The following TRIP13 variants were observed in gnomAD, a reference collection of about 807,000 sequenced individuals.
The protein encoded by TRIP13 is pachytene checkpoint protein 2 homolog.
Under a neutral mutation model 54.4 loss-of-function variants are expected in TRIP13, and 25 were observed. The observed-to-expected ratio is 0.46, with a 90% CI of 0.33 to 0.64. The LOEUF is 0.64. Ranked by LOEUF, TRIP13 falls within the 30% of genes least tolerant of loss-of-function variation. TRIP13 has a pLI of 0.02. For missense variants in TRIP13, 373 were observed against 534.2 expected (o/e 0.70, Z 2.97); for synonymous variants, 207 against 207.8 (o/e 1.00, Z 0.03).
Position 908,316 on chromosome 5 carries a change from G to A in TRIP13, c.760-39G>A, listed in dbSNP as rs533157111. On this transcript the variant is annotated intron_variant, in intron 8 of 12. Coordinates refer to ENST00000166345, the MANE Select transcript of TRIP13 (RefSeq NM_004237.4). The surrounding 1 kb of genome is among the most constrained non-coding windows in gnomAD (Gnocchi z 5.2). ...CCCCATAGCTGCCTGTGAAGTGCCA[G>A]GCCCTGTCCTTTTTGACCCCACTGC... The A allele has an allele frequency of 1.2e-5, 20 of 1,602,322 alleles. No individual in the cohort carries two copies. Among genetic ancestry groups the A allele is most frequent in the Non-Finnish European group, 1.7e-6 (2 of 1,176,060 alleles).
intron 5 of TRIP13, among the ~76,000 whole-genome samples, chr5:902,843 G>A (rs1166189880): frequency 6.6e-6 from 1 of 152,218 alleles, no homozygotes; most frequent in Non-Finnish European, 1.5e-5. Context: ...GTGTCCACTG[G>A]ACAGGGGACC....
intron 4 of TRIP13, among the ~76,000 whole-genome samples, chr5:901,122 A>G (rs943983121): frequency 6.6e-6 from 1 of 152,164 alleles, no homozygotes; most frequent in Non-Finnish European, 1.5e-5. Context: ...TGCTCTTCTT[A>G]TATTTATAAT....
Position 911,825 on chromosome 5 carries a change from G to C in TRIP13, c.867-18G>C. 6.2e-7 allele frequency: 1 copy of C among 1,602,802 alleles called. No homozygotes were observed. The highest frequency in any genetic ancestry group is 2.2e-5 in the East Asian group (1 of 44,738). The stretch of plus-strand genomic sequence containing the variant: ...GACAGCCGTGATGACTGTGGTGCTT[G>C]CTTCTCGGCCACAACAGGCATTCCA... On this transcript the variant is annotated intron_variant, in intron 9 of 12. Coordinates refer to ENST00000166345, the MANE Select transcript of TRIP13 (RefSeq NM_004237.4). The surrounding 1 kb of genome is among the most constrained non-coding windows in gnomAD (Gnocchi z 4.7).
At position 908,492 on chromosome 5, in the gene TRIP13, G is replaced by T; in HGVS notation, c.866+31G>T. 1 of 1,610,656 alleles carries T rather than the reference G, an allele frequency of 6.2e-7. No homozygotes were observed. Among genetic ancestry groups the T allele is most frequent in the South Asian group, 1.1e-5 (1 of 91,038 alleles). On this transcript the variant is annotated intron_variant, in intron 9 of 12. Coordinates refer to ENST00000166345, the MANE Select transcript of TRIP13 (RefSeq NM_004237.4). This position sits in a 1 kb window ranked among gnomAD's most constrained non-coding sequence, Gnocchi z 5.2. ...CAGGACATGCAGCAATTTTCCCTGA[G>T]AAGTGATGAGAAGTTTGTCCCAAAG...
In TRIP13 at chr5:908,012, T is replaced by C; in HGVS notation, c.697T>C (p.Phe233Leu). 1 of 1,614,240 alleles carries C rather than the reference T, an allele frequency of 6.2e-7. No individual in the cohort carries two copies. Among genetic ancestry groups the C allele is most frequent in the Non-Finnish European group, 8.5e-7 (1 of 1,180,046 alleles). ...SESGKLVTKM[F>L]QKIQDLIDDK... Reference sequence around the variant, plus strand: ...GAGTGGCAAGCTGGTAACCAAGATGTTTCAGAAGATTCAGGATTTGATTGA... The same window carrying C: ...GAGTGGCAAGCTGGTAACCAAGATGCTTCAGAAGATTCAGGATTTGATTGA... Residue 233 changes from phenylalanine (F) to leucine (L), a missense_variant, in exon 8 of 13, where the codon TTT becomes CTT. Physicochemically the swap from Phe to Leu is conservative, Grantham distance 22 (BLOSUM62 0). Coordinates refer to ENST00000166345, the MANE Select transcript of TRIP13 (RefSeq NM_004237.4). The surrounding 1 kb of genome is among the most constrained non-coding windows in gnomAD (Gnocchi z 5.2).
chr5:907,231 A>G lies in TRIP13; in HGVS notation c.672+38A>G, dbSNP rs767349707. On this transcript the variant is annotated intron_variant, in intron 7 of 12. Transcript: ENST00000166345. The surrounding 1 kb of genome is among the most constrained non-coding windows in gnomAD (Gnocchi z 4.1). ...TATTAATTCTAATTGTCTGGATTGT[A>G]TAGCTGAAAAAATGTCTTGTATGTT... The G allele has an allele frequency of 5.1e-6, 8 of 1,564,978 alleles. No individual in the cohort carries two copies. Among genetic ancestry groups the G allele is most frequent in the Non-Finnish European group, 7.0e-6 (8 of 1,137,120 alleles).
Position 915,825 on chromosome 5 carries a change from C to T in TRIP13, c.1134-79C>T. 3 of 1,515,898 alleles carry T rather than the reference C, an allele frequency of 2.0e-6. No homozygotes were observed. The highest frequency in any genetic ancestry group is 2.7e-6 in the Non-Finnish European group (3 of 1,091,824). 93.9% of individuals were successfully genotyped at this position (1,515,898 alleles called of 1,614,324 possible). On this transcript the variant is annotated intron_variant, in intron 11 of 12. Transcript: ENST00000166345. This position sits in a 1 kb window ranked among gnomAD's most constrained non-coding sequence, Gnocchi z 4.2. ...CCTCGGCTTGTGTTCCCAGGGATGC[C>T]TCGGCCAATGAGGAAAATTAGTCCT...
Position 915,953 on chromosome 5 carries a change from G to T in TRIP13, c.1183G>T (p.Ala395Ser). The T allele has an allele frequency of 6.2e-7, 1 of 1,614,134 alleles. No individual in the cohort carries two copies. Among genetic ancestry groups the T allele is most frequent in the Non-Finnish European group, 8.5e-7 (1 of 1,180,008 alleles). ...GGTCCTGAGAAAACTCCCCTTTCTG[G>T]CTCATGCGCTGTATGTCCAGGTGAG... ...GRVLRKLPFLAHALYVQAPTV... is the reference protein window; with the variant it reads ...GRVLRKLPFLSHALYVQAPTV... The change falls in exon 12 of 13, where the codon GCT (alanine) becomes TCT (serine). Residue 395 changes from alanine (A) to serine (S), a missense_variant. By Grantham distance (99) the Ala-to-Ser change is moderately conservative (BLOSUM62 1). This residue lies in a region of TRIP13 where 101 missense variants were observed against 138.5 expected (regional missense o/e 0.73). Transcript: ENST00000166345. The surrounding 1 kb of genome is among the most constrained non-coding windows in gnomAD (Gnocchi z 4.2).
At chr5:895,811 G>A (rs138594701) in intron 2 of TRIP13, among the ~76,000 whole-genome samples, 3 of 152,322 alleles carry the variant, frequency 2.0e-5, no homozygotes, top group African/African-American at 7.2e-5. Context: ...ATGCAATTTT[G>A]TAGATCTTTC....
At position 907,340 on chromosome 5, in the gene TRIP13, G is replaced by T. The variant is rs1335345727; in HGVS notation, c.672+147G>T. 2.7e-6 allele frequency: 2 copies of T among 737,532 alleles called. No homozygotes were observed. Among genetic ancestry groups the T allele is most frequent in the Non-Finnish European group, 4.5e-6 (2 of 447,286 alleles). The allele number at this position is 737,532 out of a possible 1,614,324, so 45.7% of individuals were successfully genotyped here. On this transcript the variant is annotated intron_variant, in intron 7 of 12. Coordinates refer to ENST00000166345, the MANE Select transcript of TRIP13 (RefSeq NM_004237.4). This position sits in a 1 kb window ranked among gnomAD's most constrained non-coding sequence, Gnocchi z 4.1. The stretch of plus-strand genomic sequence containing the variant: ...TTGGGGCTGACTGTGATCAGAGAAG[G>T]TTCCGGAGCTGGGGCCCTTGGGGAC...
Position 915,348 on chromosome 5 carries a change from T to G in TRIP13, c.1134-556T>G, listed in dbSNP as rs924249419. ...CTTACGCCTGGTGCTCCCAGGCAGG[T>G]GATGCCTTCCCTGAGCGCAAGGATG... On this transcript the variant is annotated intron_variant, in intron 11 of 12. Coordinates refer to ENST00000166345, the MANE Select transcript of TRIP13 (RefSeq NM_004237.4). The surrounding 1 kb of genome is among the most constrained non-coding windows in gnomAD (Gnocchi z 4.2). 6.6e-6 allele frequency among the ~76,000 whole-genome samples: 1 copy of G among 152,062 alleles called. No homozygotes were observed. The highest frequency in any genetic ancestry group is 1.5e-5 in the Non-Finnish European group (1 of 68,000).
In TRIP13 at chr5:908,115, T is replaced by C; in HGVS notation, c.759+41T>C. 1 of 1,609,384 alleles carries C rather than the reference T, an allele frequency of 6.2e-7. No homozygotes were observed. Among genetic ancestry groups the C allele is most frequent in the East Asian group, 2.2e-5 (1 of 44,852 alleles). On this transcript the variant is annotated intron_variant, in intron 8 of 12. Transcript: ENST00000166345. The surrounding 1 kb of genome is among the most constrained non-coding windows in gnomAD (Gnocchi z 5.2). Reference sequence around the variant, plus strand: ...TAAGGAAATTCATGACAGAATCGCCTTTTGCCATTGTGGGGACACAGCCTA... The same window carrying C: ...TAAGGAAATTCATGACAGAATCGCCCTTTGCCATTGTGGGGACACAGCCTA...
intron 2 of TRIP13, 96 bp downstream of exon 2, chr5:895,048 C>T: frequency 6.7e-6 from 9 of 1,352,220 alleles, no homozygotes; most frequent in Non-Finnish European, 9.0e-6. Context: ...TTGTCAGAAA[C>T]AGGTTCACTT....
chr5:910,883 C>G (rs1008545854), intron 9 of TRIP13, among the ~76,000 whole-genome samples: 1 of 152,244 alleles, frequency 6.6e-6, no homozygotes, highest in Admixed American at 6.5e-5. Flanking sequence ...CCCACAGGCT[C>G]CCTGTCCTGC....
At chr5:904,938 T>A (rs920377073) in intron 6 of TRIP13, among the ~76,000 whole-genome samples, 14 of 152,196 alleles carry the variant, frequency 9.2e-5, no homozygotes, top group African/African-American at 3.1e-4. Flanking sequence ...TGATTGTCAT[T>A]TCTGATTGTG....
Position 911,935 on chromosome 5 carries a change from G to A in TRIP13, c.959G>A (p.Gly320Glu). 6.2e-7 allele frequency: 1 copy of A among 1,613,484 alleles called. No individual in the cohort carries two copies. The highest frequency in any genetic ancestry group is 1.1e-5 in the South Asian group (1 of 91,020). The change falls in exon 10 of 13, where the codon GGG becomes GAG. Residue 320 changes from glycine (G) to glutamate (E), a missense_variant. This residue lies in a region of TRIP13 where 101 missense variants were observed against 138.5 expected (regional missense o/e 0.73). Coordinates refer to ENST00000166345, the MANE Select transcript of TRIP13 (RefSeq NM_004237.4). This position sits in a 1 kb window ranked among gnomAD's most constrained non-coding sequence, Gnocchi z 4.7. ...VDRADIKQYI[G>E]PPSAAAIFKI... ...AGGGCTGACATCAAGCAGTACATTG[G>A]GCCACCCTCTGCAGCAGCCATCTTC...
rs758547905 is a variant in TRIP13 at position 911,831 on chromosome 5, C to T, written c.867-12C>T. On this transcript the variant is annotated splice_polypyrimidine_tract_variant and intron_variant, in intron 9 of 12. Coordinates refer to ENST00000166345, the MANE Select transcript of TRIP13 (RefSeq NM_004237.4). The surrounding 1 kb of genome is among the most constrained non-coding windows in gnomAD (Gnocchi z 4.7). The stretch of plus-strand genomic sequence containing the variant: ...CGTGATGACTGTGGTGCTTGCTTCT[C>T]GGCCACAACAGGCATTCCAATGTTG... 7 of 1,603,832 alleles carry T rather than the reference C, an allele frequency of 4.4e-6. No homozygotes were observed. Among genetic ancestry groups the T allele is most frequent in the African/African-American group, 1.3e-5 (1 of 74,256 alleles).
At position 914,720 on chromosome 5, in the gene TRIP13, C is replaced by CGT. The variant is rs60208703; in HGVS notation, c.1133+163_1133+164dup. 50,236 of 582,400 alleles carry CGT rather than the reference C, an allele frequency of 0.086. 1,725 individuals are homozygous for CGT. Among genetic ancestry groups the CGT allele is most frequent in the African/African-American group, 0.19 (10,160 of 52,684 alleles). 36.1% of individuals were successfully genotyped at this position (582,400 alleles called of 1,614,324 possible). ...ATAGGTATGAACATGCATGTACACA[C>CGT]GTGTGTGTGTGTGTGTGTGTGCATG... On this transcript the variant is annotated intron_variant, in intron 11 of 12. Transcript: ENST00000166345.
rs1465869410 is a variant in TRIP13, at chr5:894,847, T to A, written c.153T>A (p.Ile51=). The A allele has an allele frequency of 1.9e-6, 3 of 1,613,882 alleles. No individual in the cohort carries two copies. Among genetic ancestry groups the A allele is most frequent in the Non-Finnish European group, 1.7e-6 (2 of 1,179,966 alleles). Residue 51 remains isoleucine (I), a synonymous_variant, in exon 2 of 13, where the codon ATT becomes ATA. Coordinates refer to ENST00000166345, the MANE Select transcript of TRIP13 (RefSeq NM_004237.4). ...SVRKLLNRHN[I]VFGDYTWTEF... ...GAAAGCTACTCAACAGACATAATAT[T>A]GTGTTTGGTGATTACACATGGACTG...
Sources: gnomAD v4.1 joint callset for allele counts (sites outside exome capture counted in the v4.1 genomes callset) on GRCh38, gnomAD v4.1.1 for gene constraint, gnomAD v4.1.1 regional missense constraint, Gnocchi (gnomAD v3.1) non-coding constraint, MANE v1.5 for transcripts, NCBI Gene and HGNC (gene_info 2026-07-23, HGNC 2026-07-21) for gene names.